The following ADGRL4 variants were observed in gnomAD, a reference collection of about 807,000 sequenced individuals.
ADGRL4 encodes adhesion G protein-coupled receptor L4.
In ADGRL4, 90 loss-of-function variants were observed where a neutral mutation model predicts 74.8. The ratio of observed to expected loss-of-function variants is 1.20; its 90% CI spans 1.02 to 1.43. ADGRL4 has a LOEUF of 1.43. Among genes scored for constraint, ADGRL4 ranks in the 40% most tolerant of loss-of-function variants. The pLI is 0.00. For missense variants in ADGRL4, 881 were observed against 814.3 expected (o/e 1.08, Z -1.00); for synonymous variants, 311 against 279.2 (o/e 1.11, Z -1.14).
At chr1:78,937,600 G>A (rs974164546) in intron 6 of ADGRL4, among the ~76,000 whole-genome samples, 9 of 152,186 alleles carry the variant, frequency 5.9e-5, no homozygotes, top group Non-Finnish European at 1.0e-4. Context: ...ATGATAGGAA[G>A]GAGACACTTG....
At chr1:78,920,027 T>C (rs1439284560) in intron 10 of ADGRL4, among the ~76,000 whole-genome samples, 156 bp downstream of exon 10, 2 of 151,962 alleles carry the variant, frequency 1.3e-5, no homozygotes, top group African/African-American at 4.8e-5. Flanking sequence ...TTAGCTGTGT[T>C]AGCATTATCA....
intron 12 of ADGRL4, among the ~76,000 whole-genome samples, chr1:78,898,091 G>GT (rs1306975118): frequency 6.6e-6 from 1 of 151,784 alleles, no homozygotes; most frequent in African/African-American, 2.4e-5. Context: ...TTGAAATGAG[G>GT]TTAAAAAAAA....
chr1:78,911,878 A>G (rs992278665), intron 12 of ADGRL4, among the ~76,000 whole-genome samples: 1 of 151,902 alleles, frequency 6.6e-6, no homozygotes, highest in Non-Finnish European at 1.5e-5. Context: ...CTTCATCTGC[A>G]TATTAGGAAC....
chr1:78,897,397 CT>C (rs1474753158), intron 12 of ADGRL4, among the ~76,000 whole-genome samples: 1 of 152,088 alleles, frequency 6.6e-6, no homozygotes, highest in African/African-American at 2.4e-5. Context: ...TTGATATTTG[CT>C]CACCCTGGCT....
intron 2 of ADGRL4, among the ~76,000 whole-genome samples, chr1:78,972,480 C>T (rs1049088374): frequency 1.6e-4 from 25 of 152,032 alleles, no homozygotes; most frequent in African/African-American, 5.6e-4. Flanking sequence ...GAGTCTCTTC[C>T]ATAAAATATA....
chr1:78,974,755 G>T lies in ADGRL4; in HGVS notation c.173-28329C>A, dbSNP rs1650243816. Reference sequence around the variant, plus strand: ...TCCACTTTCAAAGCCAGAAATGGCTGATTGAATCTTTCTCATATCACCTCA... The same window carrying T: ...TCCACTTTCAAAGCCAGAAATGGCTTATTGAATCTTTCTCATATCACCTCA... On this transcript the variant is annotated intron_variant, in intron 2 of 14. Transcript: ENST00000370742. Among the ~76,000 whole-genome samples, 3 of 152,124 alleles carry T rather than the reference G, an allele frequency of 2.0e-5. No homozygotes were observed. The South Asian group carries it at 6.2e-4, about 31-fold the overall frequency.
chr1:78,992,783 A>T (rs1650634175), intron 2 of ADGRL4, among the ~76,000 whole-genome samples: 1 of 152,108 alleles, frequency 6.6e-6, no homozygotes, highest in Admixed American at 6.6e-5. Context: ...AATCCAAATG[A>T]TTGATACTTT....
At chr1:78,946,512 T>A in intron 2 of ADGRL4, 86 bp from the exon 3 acceptor site, 1 of 1,132,304 alleles carries the variant, frequency 8.8e-7, no homozygotes, top group Non-Finnish European at 1.3e-6. Flanking sequence ...GAATATTGAC[T>A]GTTAGATAGT....
At chr1:78,927,751 A>G (rs574664729) in intron 7 of ADGRL4, among the ~76,000 whole-genome samples, 2 of 152,156 alleles carry the variant, frequency 1.3e-5, no homozygotes, top group Non-Finnish European at 2.9e-5. Context: ...AAGGACTGTA[A>G]TAACAAAACT....
chr1:78,910,659 AT>A (rs1401172981), intron 12 of ADGRL4, among the ~76,000 whole-genome samples: 4 of 151,830 alleles, frequency 2.6e-5, no homozygotes, highest in African/African-American at 9.7e-5. Flanking sequence ...AGTTTAAAGA[AT>A]TGAGCATTGA....
intron 12 of ADGRL4, among the ~76,000 whole-genome samples, chr1:78,894,406 C>G (rs1228011225): frequency 6.6e-6 from 1 of 151,664 alleles, no homozygotes; most frequent in Non-Finnish European, 1.5e-5. Flanking sequence ...AGTAATTAAT[C>G]CTAATTATAG....
At chr1:78,966,056 G>A (rs1177753660) in intron 2 of ADGRL4, among the ~76,000 whole-genome samples, 1 of 150,300 alleles carries the variant, frequency 6.7e-6, no homozygotes, top group Non-Finnish European at 1.5e-5. Context: ...GTTGGGAAAA[G>A]CCATCATGAG....
At chr1:78,981,862 C>G (rs1650402812) in intron 2 of ADGRL4, among the ~76,000 whole-genome samples, 1 of 151,460 alleles carries the variant, frequency 6.6e-6, no homozygotes, top group East Asian at 1.9e-4. Flanking sequence ...TCTTAATGTC[C>G]TTGACATAAT....
At chr1:78,962,182 T>C (rs879806533) in intron 2 of ADGRL4, among the ~76,000 whole-genome samples, 1 of 152,090 alleles carries the variant, frequency 6.6e-6, no homozygotes, top group Non-Finnish European at 1.5e-5. Flanking sequence ...GGCCCGGCCT[T>C]CCAGGCTATA....
At chr1:78,946,164 C>T (rs746265979) in intron 3 of ADGRL4, 110 bp downstream of exon 3, 58 of 676,418 alleles carry the variant, frequency 8.6e-5, no homozygotes, top group South Asian at 2.2e-4. Flanking sequence ...GTACTTAACA[C>T]GTAGGGTACG....
intron 2 of ADGRL4, among the ~76,000 whole-genome samples, chr1:78,995,885 A>G (rs960693585): frequency 3.3e-5 from 5 of 152,166 alleles, no homozygotes; most frequent in Non-Finnish European, 7.3e-5. Context: ...GAAACACTAA[A>G]ATTTATTATT....
Position 78,946,268 on chromosome 1 carries a change from A to G in ADGRL4, c.325+6T>C, listed in dbSNP as rs1315773676. Reference sequence around the variant, plus strand: ...TACAAATTCTAACTTAGATAACCGAACTTACCTATACAGACGGTTCCATCA... The same window carrying G: ...TACAAATTCTAACTTAGATAACCGAGCTTACCTATACAGACGGTTCCATCA... On this transcript the variant is annotated splice_donor_region_variant and intron_variant, in intron 3 of 14. Transcript: ENST00000370742. 6.3e-7 allele frequency: 1 copy of G among 1,592,664 alleles called. No individual in the cohort carries two copies. The highest frequency in any genetic ancestry group is 1.4e-5 in the African/African-American group (1 of 73,572).
In ADGRL4 at chr1:78,920,295, C is replaced by T. The variant is rs1357173954; in HGVS notation, c.1349G>A (p.Trp450Ter). 6.2e-7 allele frequency: 1 copy of T among 1,611,714 alleles called. No homozygotes were observed. The highest frequency in any genetic ancestry group is 1.7e-5 in the Admixed American group (1 of 59,852). The stretch of plus-strand genomic sequence containing the variant: ...GGTGCTTTGAATTTCACTGAAGAAC[C>T]AGAAGGTAAAAATGCATATGGCAAG... ...ICLAICIFTF[W>*]FFSEIQSTRT... Residue 450 changes from tryptophan to a stop codon, truncating the protein, a stop_gained, in exon 10 of 15, where the codon TGG becomes TAG. Transcript: ENST00000370742. LOFTEE classifies it high-confidence loss of function.
At chr1:78,980,769 T>G (rs1246217476) in intron 2 of ADGRL4, among the ~76,000 whole-genome samples, 5 of 151,906 alleles carry the variant, frequency 3.3e-5, no homozygotes, top group African/African-American at 1.2e-4. Flanking sequence ...CCCACAGAGA[T>G]GAGAAACTAC....
Sources: gnomAD v4.1 joint callset for allele counts (sites outside exome capture counted in the v4.1 genomes callset) on GRCh38, gnomAD v4.1.1 for gene constraint, MANE v1.5 for transcripts, NCBI Gene and HGNC (gene_info 2026-07-23, HGNC 2026-07-21) for gene names.